The following RAD17 variants were observed in gnomAD, a reference collection of about 807,000 sequenced individuals.
RAD17 encodes cell cycle checkpoint protein RAD17.
A neutral mutation model predicts 81.5 loss-of-function variants in RAD17; 31 were observed. The observed-to-expected ratio is 0.38, with a 90% CI of 0.29 to 0.51. The LOEUF (loss-of-function observed/expected upper bound fraction) is 0.51. Among genes scored for constraint, RAD17 ranks in the 20% least tolerant of loss-of-function variants. The probability of loss-of-function intolerance (pLI) is 0.88; values close to 1 mark genes in which losing one functional copy is unlikely to be tolerated. For synonymous variants in RAD17, 261 were observed against 266.2 expected (o/e 0.98, Z 0.19); for missense variants, 681 against 781.2 (o/e 0.87, Z 1.53).
chr5:69,378,778 A>C (rs908423876), intron 6 of RAD17, among the ~76,000 whole-genome samples: 3 of 152,182 alleles, frequency 2.0e-5, no homozygotes, highest in African/African-American at 7.2e-5. Flanking sequence ...TTGTTGTGAG[A>C]ATATCATAGA....
At chr5:69,385,196 A>G (rs568175647) in intron 8 of RAD17, among the ~76,000 whole-genome samples, 40 of 150,506 alleles carry the variant, frequency 2.7e-4, no homozygotes, top group South Asian at 1.3e-3. Flanking sequence ...TCCTGACCTC[A>G]TGATATGCCC....
At chr5:69,373,711 T>A in intron 4 of RAD17, 119 bp from the exon 5 acceptor site, 9 of 435,598 alleles carry the variant, frequency 2.1e-5, no homozygotes, top group South Asian at 9.5e-5. Context: ...TTTTTTTTTT[T>A]TTTTTAAGTT....
At chr5:69,393,606 T>G in intron 15 of RAD17, 106 bp downstream of exon 15, 2 of 1,064,246 alleles carry the variant, frequency 1.9e-6, no homozygotes, top group Non-Finnish European at 2.7e-6. Context: ...TTATGTGACT[T>G]TTCTTCATAA....
chr5:69,375,386 T>A lies in RAD17; in HGVS notation c.351+675T>A, dbSNP rs993519867. ...AAAACAGTCATTATTTATTTTAGAC[T>A]GATATTTTTTGTTTCACTTCCTTAC... On this transcript the variant is annotated intron_variant, in intron 6 of 18. Transcript: ENST00000354868. 1.3e-4 allele frequency among the ~76,000 whole-genome samples: 20 copies of A among 152,322 alleles called. 1 individual carries two copies. In the East Asian group the frequency reaches 3.7e-3, roughly 28 times the overall value.
intron 17 of RAD17, among the ~76,000 whole-genome samples, chr5:69,405,377 T>A (rs1765531208): frequency 6.7e-6 from 1 of 149,520 alleles, no homozygotes; most frequent in Non-Finnish European, 1.5e-5. Context: ...CCAAAAAAAC[T>A]AAAAATAGGC....
At chr5:69,369,642 C>T (rs771637150), upstream of RAD17, 86 of 1,563,432 alleles carry the variant, frequency 5.5e-5, no homozygotes, top group Non-Finnish European at 7.4e-5. Context: ...GGCCCAGCCG[C>T]GGCCCACTGG....
At chr5:69,384,731 T>C (rs1475019195) in intron 7 of RAD17, 66 bp from the exon 8 acceptor site, 5 of 1,412,106 alleles carry the variant, frequency 3.5e-6, no homozygotes, top group Non-Finnish European at 2.0e-6. Flanking sequence ...TGTGTGTACA[T>C]ACAGATGTAT....
At chr5:69,369,520 C>T (rs200902755), upstream of RAD17, 30 of 1,611,138 alleles carry the variant, frequency 1.9e-5, no homozygotes, top group African/African-American at 2.7e-4. Context: ...TCGGGCGCCT[C>T]GCTCACGTGC....
chr5:69,386,998 C>T (rs187075980), intron 11 of RAD17, among the ~76,000 whole-genome samples: 75 of 149,790 alleles, frequency 5.0e-4, no homozygotes, highest in African/African-American at 1.8e-3. Context: ...AATCATGGCT[C>T]ACTGCAGCCT....
rs552911752 is a variant in RAD17, at chr5:69,390,839, G to A, written c.1007-992G>A. Among the ~76,000 whole-genome samples, 23 of 151,240 alleles carry A rather than the reference G, an allele frequency of 1.5e-4. No homozygotes were observed. In the South Asian group the frequency reaches 4.0e-3, roughly 26 times the overall value. On this transcript the variant is annotated intron_variant, in intron 12 of 18. Coordinates refer to ENST00000354868, the MANE Select transcript of RAD17 (RefSeq NM_133338.3). ...CCAGCATGGTGGTGCATGTAGTCCCGGCTACTTGAGAGGCTGAGGTGGGAG... is the reference window on the plus strand; with the variant it reads ...CCAGCATGGTGGTGCATGTAGTCCCAGCTACTTGAGAGGCTGAGGTGGGAG...
intron 7 of RAD17, among the ~76,000 whole-genome samples, chr5:69,383,796 G>T: frequency 6.6e-6 from 1 of 152,274 alleles, no homozygotes; most frequent in South Asian, 2.1e-4. Flanking sequence ...GACTACAGAC[G>T]TGTGTTCCTG....
intron 10 of RAD17, 28 bp downstream of exon 10, chr5:69,386,333 G>A: frequency 6.3e-7 from 1 of 1,587,660 alleles, no homozygotes; most frequent in Middle Eastern, 1.7e-4. Flanking sequence ...GCTTATAAAG[G>A]TCACATACAT....
At position 69,377,249 on chromosome 5, in the gene RAD17, A is replaced by T. The variant is rs572309675; in HGVS notation, c.351+2538A>T. Among the ~76,000 whole-genome samples the T allele has an allele frequency of 6.2e-4, 94 of 151,778 alleles. 2 individuals carry two copies. In the South Asian group the frequency reaches 0.015, roughly 24 times the overall value. ...TCTATCTGACACACCTCTTACATCC[A>T]GGCTTTTTCTCATTGATTTGTTTTT... On this transcript the variant is annotated intron_variant, in intron 6 of 18. Transcript: ENST00000354868.
chr5:69,384,596 G>A lies in RAD17; in HGVS notation c.509-201G>A, dbSNP rs1004009624. ...CTCCCAAAGTGCTGGGATTACAGGCGTGAGCCACTGTGCCTGGCTACATGT... is the reference window on the plus strand; with the variant it reads ...CTCCCAAAGTGCTGGGATTACAGGCATGAGCCACTGTGCCTGGCTACATGT... On this transcript the variant is annotated intron_variant, in intron 7 of 18. Transcript: ENST00000354868. 3.9e-5 allele frequency among the ~76,000 whole-genome samples: 6 copies of A among 152,164 alleles called. No homozygotes were observed. In the South Asian group the frequency reaches 8.3e-4, roughly 21 times the overall value.
chr5:69,408,078 T>C (rs767485269), intron 17 of RAD17, among the ~76,000 whole-genome samples: 3 of 152,232 alleles, frequency 2.0e-5, no homozygotes, highest in Non-Finnish European at 1.5e-5. Context: ...TATAATGGTT[T>C]ATCTGAAGTC....
chr5:69,392,862 A>G, intron 13 of RAD17: 1 of 465,922 alleles, frequency 2.1e-6, no homozygotes, highest in East Asian at 5.4e-5. Context: ...ATGAGAAATC[A>G]AGGGAAGAAA....
Position 69,391,888 on chromosome 5 carries a change from T to A in RAD17, c.1064T>A (p.Leu355Gln), listed in dbSNP as rs1311249232. ...KGMSLKSDAV[L>Q]SKSKRRKKPD... Reference sequence around the variant, plus strand: ...ATGTCTTTAAAATCAGATGCTGTGCTGTCAAAATCAAAACGAAGAAAAAAA... The same window carrying A: ...ATGTCTTTAAAATCAGATGCTGTGCAGTCAAAATCAAAACGAAGAAAAAAA... Residue 355 changes from leucine to glutamine, a missense_variant, in exon 13 of 19, where the codon CTG becomes CAG. Leu to Gln is a moderately radical substitution (Grantham distance 113, BLOSUM62 -2). Coordinates refer to ENST00000354868, the MANE Select transcript of RAD17 (RefSeq NM_133338.3). The A allele has an allele frequency of 1.9e-6, 3 of 1,594,826 alleles. No homozygotes were observed. In the African/African-American group the frequency reaches 4.1e-5, roughly 22 times the overall value.
intron 17 of RAD17, among the ~76,000 whole-genome samples, chr5:69,406,592 C>T (rs1056432575): frequency 3.3e-5 from 5 of 152,100 alleles, no homozygotes; most frequent in African/African-American, 1.2e-4. Flanking sequence ...GCCTAAACCT[C>T]CTTGGCCCAA....
chr5:69,370,963 GAAATTTTGTA>G (rs1250869605), intron 1 of RAD17, 62 bp from the exon 2 acceptor site: 1 of 225,772 alleles, frequency 4.4e-6, no homozygotes, highest in Non-Finnish European at 9.3e-6. Context: ...GTGTTACCAA[GAAATTTTGTA>G]ATAACATGTT....
Sources: allele counts gnomAD v4.1 joint callset (sites outside exome capture counted in the v4.1 genomes callset), GRCh38; gene constraint gnomAD v4.1.1; transcripts MANE v1.5; gene names NCBI Gene and HGNC (gene_info 2026-07-23, HGNC 2026-07-21).